The following HEMK2 variants were observed in gnomAD, a reference collection of about 807,000 sequenced individuals.
The protein encoded by HEMK2 is HemK methyltransferase 2, ETF1 glutamine and histone H4 lysine.
chr21:28,593,633 T>A, the HEMK2 span, among the ~76,000 whole-genome samples: 1 of 152,126 alleles, frequency 6.6e-6, no homozygotes, highest in African/African-American at 2.4e-5. Context: ...CTCAAAAAAA[T>A]TCATGATAAT....
the HEMK2 span, among the ~76,000 whole-genome samples, chr21:28,611,911 CA>C: frequency 0.034 from 2,472 of 71,946 alleles, 40 homozygotes; most frequent in African/African-American, 0.092. Context: ...GACACCATCT[CA>C]AAAAAAAAAA....
the HEMK2 span, among the ~76,000 whole-genome samples, chr21:28,621,698 C>A: frequency 6.6e-6 from 1 of 152,154 alleles, no homozygotes; most frequent in Non-Finnish European, 1.5e-5. Flanking sequence ...GGGAGAATTA[C>A]AAAGAACCTT....
chr21:28,825,031 C>A, the HEMK2 span, among the ~76,000 whole-genome samples: 197 of 152,272 alleles, frequency 1.3e-3, 1 homozygote, highest in African/African-American at 4.5e-3. Context: ...CTTTGAAGAT[C>A]TATGCAGGAA....
chr21:28,699,580 G>A, the HEMK2 span, among the ~76,000 whole-genome samples: 1 of 152,152 alleles, frequency 6.6e-6, no homozygotes, highest in South Asian at 2.1e-4. Flanking sequence ...GTTTGATAAA[G>A]GTAAAAATAA....
At chr21:28,718,253 A>G in the HEMK2 span, among the ~76,000 whole-genome samples, 2 of 152,042 alleles carry the variant, frequency 1.3e-5, no homozygotes, top group Admixed American at 6.6e-5. Context: ...CTTGGCATTG[A>G]TTTCTATTTT....
chr21:28,807,936 A>G, the HEMK2 span, among the ~76,000 whole-genome samples: 2 of 152,142 alleles, frequency 1.3e-5, no homozygotes, highest in Admixed American at 1.3e-4. Context: ...GTGATGTGAA[A>G]GAGTCTTCTA....
At chr21:28,857,766 C>T in the HEMK2 span, among the ~76,000 whole-genome samples, 49 of 152,162 alleles carry the variant, frequency 3.2e-4, no homozygotes, top group African/African-American at 1.1e-3. Context: ...AAAGATTTCC[C>T]TCCTTTAGGG....
chr21:28,856,187 G>C, the HEMK2 span, among the ~76,000 whole-genome samples: 2 of 152,108 alleles, frequency 1.3e-5, no homozygotes, highest in African/African-American at 4.8e-5. Context: ...GGCCAAGGAG[G>C]GTGGATCACT....
the HEMK2 span, among the ~76,000 whole-genome samples, chr21:28,621,255 G>C: frequency 6.6e-6 from 1 of 151,962 alleles, no homozygotes; most frequent in Non-Finnish European, 1.5e-5. Flanking sequence ...AGAGATTCTG[G>C]TACATTATGT....
chr21:28,758,497 G>A, the HEMK2 span, among the ~76,000 whole-genome samples: 1 of 152,162 alleles, frequency 6.6e-6, no homozygotes, highest in Non-Finnish European at 1.5e-5. Flanking sequence ...GGCAGCAGAT[G>A]AGGGAAAGGA....
At chr21:28,788,279 TAC>T in the HEMK2 span, among the ~76,000 whole-genome samples, 13,457 of 146,910 alleles carry the variant, frequency 0.092, 703 homozygotes, top group Middle Eastern at 0.13. Flanking sequence ...CCATCATATA[TAC>T]ACACACACAC....
chr21:28,685,185 C>T, the HEMK2 span, among the ~76,000 whole-genome samples: 5 of 152,298 alleles, frequency 3.3e-5, no homozygotes, highest in South Asian at 2.1e-4. Flanking sequence ...AAAGTCAGCT[C>T]TTAGGGGCTA....
At chr21:28,618,014 C>T in the HEMK2 span, among the ~76,000 whole-genome samples, 1 of 152,152 alleles carries the variant, frequency 6.6e-6, no homozygotes, top group East Asian at 1.9e-4. Context: ...TCTCAAACCC[C>T]TGGGCACAAG....
the HEMK2 span, among the ~76,000 whole-genome samples, chr21:28,586,004 T>A: frequency 1.2e-4 from 18 of 152,320 alleles, no homozygotes; most frequent in East Asian, 3.5e-3. Context: ...GATGGCAGGA[T>A]GCACATATTA....
At chr21:28,752,563 C>A in the HEMK2 span, among the ~76,000 whole-genome samples, 1 of 152,152 alleles carries the variant, frequency 6.6e-6, no homozygotes, top group Non-Finnish European at 1.5e-5. Flanking sequence ...AATGGAAATG[C>A]TTCAATCTCA....
At chr21:28,620,615 C>A in the HEMK2 span, among the ~76,000 whole-genome samples, 13 of 142,244 alleles carry the variant, frequency 9.1e-5, no homozygotes, top group Middle Eastern at 0.011. Flanking sequence ...TGGTGATATT[C>A]CCTTTATCAT....
chr21:28,695,335 G>A, the HEMK2 span, among the ~76,000 whole-genome samples: 22 of 152,146 alleles, frequency 1.4e-4, 1 homozygote, highest in Middle Eastern at 3.4e-3. Context: ...GGGTTGTGGG[G>A]GCAGATCTCT....
chr21:28,802,868 A>G, the HEMK2 span, among the ~76,000 whole-genome samples: 7 of 152,256 alleles, frequency 4.6e-5, no homozygotes, highest in African/African-American at 1.4e-4. Flanking sequence ...AATGAGTCTT[A>G]TGACTGATCA....
the HEMK2 span, among the ~76,000 whole-genome samples, chr21:28,726,715 C>T: frequency 7.2e-5 from 11 of 152,042 alleles, no homozygotes; most frequent in African/African-American, 2.7e-4. Context: ...CGAGACCAGC[C>T]TGGCCAACAT....
Sources: allele counts gnomAD v4.1 joint callset (sites outside exome capture counted in the v4.1 genomes callset), GRCh38; gene constraint gnomAD v4.1.1; transcripts MANE v1.5; gene names NCBI Gene and HGNC (gene_info 2026-07-23, HGNC 2026-07-21).